The following CNTNAP2 variants were observed in gnomAD, a reference collection of about 807,000 sequenced individuals.
CNTNAP2 encodes the protein contactin-associated protein-like 2.
A neutral mutation model predicts 155.2 loss-of-function variants in CNTNAP2; 98 were observed. That is an observed-to-expected ratio of 0.63 (90% CI 0.54 to 0.75). The LOEUF (loss-of-function observed/expected upper bound fraction) is 0.75, where lower values mean the gene tolerates loss of function less well. Ranked by LOEUF, CNTNAP2 falls within the 30% of genes least tolerant of loss-of-function variation. The pLI, the probability that CNTNAP2 is intolerant of heterozygous loss-of-function variation, is 0.00. For synonymous variants in CNTNAP2, 651 were observed against 631.2 expected, an observed-to-expected ratio of 1.03 and a Z score of -0.47; for missense variants, 1,727 against 1,688.1, an observed-to-expected ratio of 1.02 and a Z score of -0.40.
intron 19 of CNTNAP2, among the ~76,000 whole-genome samples, chr7:148,221,100 G>C (rs183181941): frequency 1.5e-4 from 23 of 152,144 alleles, no homozygotes; most frequent in African/African-American, 4.8e-4. Flanking sequence ...CACCGCTGCT[G>C]TGCCTTCATC....
At chr7:146,137,451 A>T (rs763084057) in intron 1 of CNTNAP2, among the ~76,000 whole-genome samples, 1 of 151,964 alleles carries the variant, frequency 6.6e-6, no homozygotes, top group African/African-American at 2.4e-5. Context: ...TGTCTGTGGC[A>T]TTTTTTTTCT....
intron 11 of CNTNAP2, among the ~76,000 whole-genome samples, chr7:147,556,959 A>G (rs1424964678): frequency 6.6e-6 from 1 of 152,154 alleles, no homozygotes; most frequent in African/African-American, 2.4e-5. Context: ...TGAATAAGAC[A>G]TTTAGTGGCT....
chr7:147,596,328 T>C (rs754198282), intron 12 of CNTNAP2, among the ~76,000 whole-genome samples: 1 of 152,232 alleles, frequency 6.6e-6, no homozygotes, highest in Non-Finnish European at 1.5e-5. Context: ...GTTAAACTTA[T>C]TGACCTTACA....
At chr7:146,134,965 G>A (rs1450528688) in intron 1 of CNTNAP2, among the ~76,000 whole-genome samples, 1 of 151,582 alleles carries the variant, frequency 6.6e-6, no homozygotes, top group Non-Finnish European at 1.5e-5. Flanking sequence ...TCTATTGATT[G>A]GAATAGTTTC....
At chr7:147,814,389 A>C (rs1486022474) in intron 13 of CNTNAP2, among the ~76,000 whole-genome samples, 1 of 152,082 alleles carries the variant, frequency 6.6e-6, no homozygotes, top group Non-Finnish European at 1.5e-5. Context: ...CTTGTTATGC[A>C]TTTGTCTCCA....
chr7:147,943,909 A>C (rs1356513862), intron 14 of CNTNAP2, among the ~76,000 whole-genome samples: 1 of 152,066 alleles, frequency 6.6e-6, no homozygotes, highest in Non-Finnish European at 1.5e-5. Context: ...CACATACACC[A>C]ACAGAAGTCT....
chr7:146,224,538 G>A (rs1363339315), intron 1 of CNTNAP2, among the ~76,000 whole-genome samples: 1 of 151,510 alleles, frequency 6.6e-6, no homozygotes, highest in African/African-American at 2.4e-5. Context: ...ATGAGGTCAG[G>A]AGATTGAGAC....
At chr7:146,241,241 T>C (rs1799557567) in intron 1 of CNTNAP2, among the ~76,000 whole-genome samples, 1 of 152,174 alleles carries the variant, frequency 6.6e-6, no homozygotes, top group Non-Finnish European at 1.5e-5. Context: ...CATTTAGATA[T>C]ATGTGTAGAC....
At chr7:146,938,109 A>G (rs1320571759) in intron 3 of CNTNAP2, among the ~76,000 whole-genome samples, 3 of 152,134 alleles carry the variant, frequency 2.0e-5, no homozygotes, top group African/African-American at 7.2e-5. Context: ...AACAAAGATA[A>G]GTGAATTGAA....
chr7:146,273,569 G>C (rs746229031), intron 1 of CNTNAP2, among the ~76,000 whole-genome samples: 5 of 152,202 alleles, frequency 3.3e-5, no homozygotes, highest in African/African-American at 4.8e-5. Flanking sequence ...CGGGCCAGAT[G>C]TGCTAACTTC....
chr7:146,872,731 T>C (rs566128496), intron 3 of CNTNAP2, among the ~76,000 whole-genome samples: 1 of 152,326 alleles, frequency 6.6e-6, no homozygotes, highest in African/African-American at 2.4e-5. Context: ...GCTTAACATC[T>C]ATCTTAGAAA....
At chr7:146,506,851 G>T (rs1410794716) in intron 1 of CNTNAP2, among the ~76,000 whole-genome samples, 1 of 152,212 alleles carries the variant, frequency 6.6e-6, no homozygotes, top group Non-Finnish European at 1.5e-5. Context: ...AGCAGTCCAG[G>T]CAGCAGTAGC....
At chr7:147,459,824 T>C (rs542068895) in intron 10 of CNTNAP2, among the ~76,000 whole-genome samples, 11 of 152,268 alleles carry the variant, frequency 7.2e-5, no homozygotes, top group African/African-American at 2.4e-4. Flanking sequence ...AGTCGGAAAC[T>C]AGCATTCTGT....
intron 15 of CNTNAP2, among the ~76,000 whole-genome samples, chr7:148,001,960 C>A (rs902897460): frequency 6.6e-6 from 1 of 152,028 alleles, no homozygotes; most frequent in Non-Finnish European, 1.5e-5. Flanking sequence ...TGGATGATAT[C>A]TTCTATGTCT....
At chr7:147,619,160 A>G (rs1186212665) in intron 12 of CNTNAP2, among the ~76,000 whole-genome samples, 2 of 152,274 alleles carry the variant, frequency 1.3e-5, no homozygotes, top group African/African-American at 4.8e-5. Flanking sequence ...TTCATAACAT[A>G]GTAATCCAAA....
chr7:147,006,874 A>G (rs1034042214), intron 3 of CNTNAP2, among the ~76,000 whole-genome samples: 14 of 152,096 alleles, frequency 9.2e-5, no homozygotes, highest in African/African-American at 3.1e-4. Context: ...GGGGCAATTC[A>G]GCAATGGCAA....
chr7:146,126,977 T>C (rs953175751), intron 1 of CNTNAP2, among the ~76,000 whole-genome samples: 3 of 152,110 alleles, frequency 2.0e-5, no homozygotes, highest in African/African-American at 7.2e-5. Flanking sequence ...CCCTCTAGCT[T>C]ATCATCTATA....
At chr7:146,587,104 T>C (rs1280390169) in intron 1 of CNTNAP2, among the ~76,000 whole-genome samples, 2 of 152,124 alleles carry the variant, frequency 1.3e-5, no homozygotes, top group Admixed American at 1.3e-4. Flanking sequence ...TGATGAGAAC[T>C]ATTTCTTCCA....
At chr7:148,299,233 G>A (rs1420502636) in intron 21 of CNTNAP2, among the ~76,000 whole-genome samples, 2 of 151,896 alleles carry the variant, frequency 1.3e-5, no homozygotes, top group African/African-American at 4.8e-5. Flanking sequence ...CTTGTGATGT[G>A]CCCTCCTCAG....
Sources: gnomAD v4.1 joint callset for allele counts (sites outside exome capture counted in the v4.1 genomes callset) on GRCh38, gnomAD v4.1.1 for gene constraint, MANE v1.5 for transcripts, NCBI Gene and HGNC (gene_info 2026-07-23, HGNC 2026-07-21) for gene names.